The following EPHA3 variants were observed in gnomAD, a reference collection of about 807,000 sequenced individuals.
EPHA3 encodes EPH receptor A3.
EPHA3 carries 42 observed loss-of-function variants against 107.1 expected under a neutral mutation model. The ratio of observed to expected loss-of-function variants is 0.39; its 90% confidence interval spans 0.31 to 0.51. EPHA3 has a LOEUF of 0.51. Ranked by LOEUF, EPHA3 falls within the 20% of genes least tolerant of loss-of-function variation. The pLI, the probability that EPHA3 is intolerant of heterozygous loss-of-function variation, is 0.78. For missense variants in EPHA3, 1,183 were observed against 1,211.2 expected (o/e 0.98, Z 0.35); for synonymous variants, 461 against 424.8 (o/e 1.09, Z -1.05).
At chr3:89,371,139 C>A (rs180905163) in intron 5 of EPHA3, among the ~76,000 whole-genome samples, 2,322 of 151,640 alleles carry the variant, frequency 0.015, 43 homozygotes, top group African/African-American at 0.053. Context: ...TTAAAAAATT[C>A]TTTATATTAG....
At chr3:89,346,481 T>A (rs1295218819) in intron 5 of EPHA3, among the ~76,000 whole-genome samples, 1 of 148,136 alleles carries the variant, frequency 6.8e-6, no homozygotes, top group African/African-American at 2.5e-5. Context: ...TTTTTTCTTG[T>A]AAATTTGTTT....
intron 13 of EPHA3, among the ~76,000 whole-genome samples, chr3:89,442,784 T>G (rs1199986393): frequency 6.6e-6 from 1 of 152,200 alleles, no homozygotes. Context: ...TGCAACAGAC[T>G]AGCCATCTGT....
At chr3:89,381,585 CT>C (rs1428071571) in intron 5 of EPHA3, among the ~76,000 whole-genome samples, 2 of 151,896 alleles carry the variant, frequency 1.3e-5, no homozygotes, top group Admixed American at 1.3e-4. Context: ...ACGAGAATCA[CT>C]TGAACCTGGG....
intron 13 of EPHA3, among the ~76,000 whole-genome samples, chr3:89,444,107 A>C (rs1206197186): frequency 6.6e-6 from 1 of 152,138 alleles, no homozygotes; most frequent in Non-Finnish European, 1.5e-5. Context: ...TTTATGGAGA[A>C]CATAGTTTCA....
At chr3:89,126,672 A>G (rs1203642179) in intron 1 of EPHA3, among the ~76,000 whole-genome samples, 7 of 151,658 alleles carry the variant, frequency 4.6e-5, no homozygotes, top group Non-Finnish European at 8.9e-5. Context: ...TGTGTTACAT[A>G]TAAGTAAATA....
chr3:89,366,214 T>G (rs1576338699), intron 5 of EPHA3, among the ~76,000 whole-genome samples: 1 of 150,472 alleles, frequency 6.6e-6, no homozygotes, highest in East Asian at 2.0e-4. Context: ...TATTTACACA[T>G]ATTGAGTTCC....
At chr3:89,239,110 T>A (rs1217932282) in intron 3 of EPHA3, among the ~76,000 whole-genome samples, 1 of 152,174 alleles carries the variant, frequency 6.6e-6, no homozygotes, top group African/African-American at 2.4e-5. Context: ...CTTTGGTCCT[T>A]CTAGGCTTTG....
intron 3 of EPHA3, among the ~76,000 whole-genome samples, chr3:89,315,530 G>A (rs904809485): frequency 1.3e-5 from 2 of 151,122 alleles, no homozygotes; most frequent in Non-Finnish European, 1.5e-5. Context: ...TCATTTTTTA[G>A]GAGAATCTTC....
chr3:89,237,335 C>A (rs1281895929), intron 3 of EPHA3, among the ~76,000 whole-genome samples: 1 of 152,210 alleles, frequency 6.6e-6, no homozygotes, highest in Non-Finnish European at 1.5e-5. Flanking sequence ...GGTGCCACTG[C>A]ACCTCAGCCT....
intron 3 of EPHA3, among the ~76,000 whole-genome samples, chr3:89,319,830 T>C (rs1429341531): frequency 6.6e-6 from 1 of 152,010 alleles, no homozygotes; most frequent in African/African-American, 2.4e-5. Flanking sequence ...CAGTAGAGGC[T>C]CATGGTGTAA....
At chr3:89,395,676 T>C (rs113570961) in intron 5 of EPHA3, among the ~76,000 whole-genome samples, 161 bp from the exon 6 acceptor site, 1,719 of 152,238 alleles carry the variant, frequency 0.011, 37 homozygotes, top group African/African-American at 0.039. Context: ...CAGATTAATA[T>C]TCAAGAGCCT....
intron 3 of EPHA3, among the ~76,000 whole-genome samples, chr3:89,315,915 G>T (rs1160687575): frequency 6.6e-6 from 1 of 151,848 alleles, no homozygotes; most frequent in Non-Finnish European, 1.5e-5. Context: ...AGAAAAATCT[G>T]TTCCCTGAGG....
At chr3:89,286,119 CGTGTGTGTGT>C (rs373081017) in intron 3 of EPHA3, among the ~76,000 whole-genome samples, 250 of 136,658 alleles carry the variant, frequency 1.8e-3, no homozygotes, top group African/African-American at 6.1e-3. Context: ...TCAATTTCTA[CGTGTGTGTGT>C]GTGTGTGTGT....
intron 2 of EPHA3, among the ~76,000 whole-genome samples, chr3:89,141,314 C>G (rs751810610): frequency 6.6e-6 from 1 of 151,408 alleles, no homozygotes; most frequent in Non-Finnish European, 1.5e-5. Flanking sequence ...AGAGATCAGA[C>G]GGTCTACCAA....
chr3:89,370,906 C>G (rs1474614580), intron 5 of EPHA3, among the ~76,000 whole-genome samples: 1 of 151,570 alleles, frequency 6.6e-6, no homozygotes, highest in Non-Finnish European at 1.5e-5. Flanking sequence ...ACAGTAGCCC[C>G]TCAAACTGGT....
chr3:89,310,544 G>C (rs1047271323), intron 3 of EPHA3, among the ~76,000 whole-genome samples: 3 of 151,550 alleles, frequency 2.0e-5, no homozygotes, highest in Non-Finnish European at 4.4e-5. Context: ...TTCATAGCCT[G>C]GGTCTTACAT....
intron 3 of EPHA3, among the ~76,000 whole-genome samples, chr3:89,241,618 C>A (rs1162614854): frequency 6.6e-6 from 1 of 152,018 alleles, no homozygotes; most frequent in Admixed American, 6.6e-5. Flanking sequence ...ATCCTCATAA[C>A]AACTCTCATT....
At position 89,482,020 on chromosome 3, in the gene EPHA3, TA is replaced by T; in HGVS notation, c.*2519del. ...CTTTAAACTTGTCTTTTCAAAATAT[TA>T]CTCAGTTTATGTTGTACAATGTAGA... On this transcript the variant is annotated 3_prime_UTR_variant, in exon 17 of 17. Transcript: ENST00000336596. 4.5e-6 allele frequency: 1 copy of T among 223,050 alleles called. No homozygotes were observed. The highest frequency in any genetic ancestry group is 6.6e-5 in the East Asian group (1 of 15,204). The allele number at this position is 223,050 out of a possible 1,614,324, so 13.8% of individuals were successfully genotyped here.
chr3:89,228,364 T>C (rs1353218011), intron 3 of EPHA3, among the ~76,000 whole-genome samples: 2 of 151,904 alleles, frequency 1.3e-5, no homozygotes, highest in African/African-American at 4.8e-5. Flanking sequence ...AGCACAGTTA[T>C]AAAGGATTAA....
Sources: allele counts gnomAD v4.1 joint callset (sites outside exome capture counted in the v4.1 genomes callset), GRCh38; gene constraint gnomAD v4.1.1; transcripts MANE v1.5; gene names NCBI Gene and HGNC (gene_info 2026-07-23, HGNC 2026-07-21).